GRM7: variants seen among roughly 807,000 people sequenced by gnomAD.
The protein encoded by GRM7 is glutamate metabotropic receptor 7.
A neutral mutation model predicts 84.5 loss-of-function variants in GRM7; 35 were observed. That is an observed-to-expected ratio of 0.41 (90% CI 0.32 to 0.55). The LOEUF (loss-of-function observed/expected upper bound fraction) is 0.55. GRM7 is among the 20% of genes least tolerant of loss of function. GRM7 has a pLI of 0.19. For synonymous variants in GRM7, 487 were observed against 455.1 expected (o/e 1.07, Z -0.89); for missense variants, 1,003 against 1,194.6 (o/e 0.84, Z 2.36).
intron 1 of GRM7, among the ~76,000 whole-genome samples, chr3:6,932,653 A>C (rs190484553): frequency 1.1e-3 from 171 of 152,050 alleles, no homozygotes; most frequent in Non-Finnish European, 2.0e-3. Flanking sequence ...TATGTTCATC[A>C]TATCGGGAGG....
chr3:7,663,668 A>AGCATGTGT (rs1699561497), intron 8 of GRM7, among the ~76,000 whole-genome samples: 1 of 152,226 alleles, frequency 6.6e-6, no homozygotes, highest in South Asian at 2.1e-4. Flanking sequence ...AATTTTCTTC[A>AGCATGTGT]GCATGTGTCT....
intron 7 of GRM7, among the ~76,000 whole-genome samples, chr3:7,521,841 A>T (rs1700607871): frequency 6.6e-6 from 1 of 152,148 alleles, no homozygotes; most frequent in South Asian, 2.1e-4. Flanking sequence ...AAGGTCTTTC[A>T]CCACTTTTCT....
intron 1 of GRM7, among the ~76,000 whole-genome samples, chr3:6,930,274 G>GT (rs1294283394): frequency 6.6e-6 from 1 of 152,156 alleles, no homozygotes; most frequent in Non-Finnish European, 1.5e-5. Context: ...AGTAAAAGCG[G>GT]TAGCTGTTTC....
At chr3:7,584,993 C>T (rs1405599042) in intron 8 of GRM7, among the ~76,000 whole-genome samples, 1 of 152,184 alleles carries the variant, frequency 6.6e-6, no homozygotes, top group African/African-American at 2.4e-5. Flanking sequence ...GCCATATAAA[C>T]ATACACACAT....
At chr3:7,357,079 C>T (rs1218064716) in intron 4 of GRM7, among the ~76,000 whole-genome samples, 1 of 150,448 alleles carries the variant, frequency 6.6e-6, no homozygotes, top group Non-Finnish European at 1.5e-5. Flanking sequence ...GTTTCTATCC[C>T]TCTAGAGAAC....
At chr3:7,377,420 G>C (rs1694397683) in intron 4 of GRM7, among the ~76,000 whole-genome samples, 1 of 152,162 alleles carries the variant, frequency 6.6e-6, no homozygotes, top group Admixed American at 6.5e-5. Context: ...AATTAAGTGA[G>C]AGCATTGTTC....
At chr3:7,189,039 C>T (rs974530597) in intron 2 of GRM7, among the ~76,000 whole-genome samples, 1 of 152,126 alleles carries the variant, frequency 6.6e-6, no homozygotes, top group African/African-American at 2.4e-5. Context: ...GCCACCAGCT[C>T]TACGCAAGCC....
intron 7 of GRM7, among the ~76,000 whole-genome samples, chr3:7,466,641 C>A (rs1214405670): frequency 2.0e-5 from 3 of 152,136 alleles, no homozygotes; most frequent in African/African-American, 7.2e-5. Flanking sequence ...GCCAAAATGT[C>A]AATTAAAGCA....
At chr3:7,218,876 G>T (rs185000168) in intron 2 of GRM7, among the ~76,000 whole-genome samples, 1 of 151,794 alleles carries the variant, frequency 6.6e-6, no homozygotes, top group East Asian at 1.9e-4. Context: ...TCTTTCAATA[G>T]CTTTTGGGGT....
At chr3:7,162,775 T>G (rs1694672729) in intron 2 of GRM7, among the ~76,000 whole-genome samples, 1 of 101,720 alleles carries the variant, frequency 9.8e-6, no homozygotes, top group African/African-American at 4.3e-5. Context: ...TTTTTTTTTT[T>G]TTGAGATGGA....
intron 8 of GRM7, among the ~76,000 whole-genome samples, chr3:7,604,326 C>A (rs1042524729): frequency 1.3e-5 from 2 of 152,128 alleles, no homozygotes; most frequent in African/African-American, 2.4e-5. Flanking sequence ...TAGAGGATAG[C>A]TTAAGTTTGC....
At chr3:7,297,441 A>G (rs1699851603) in intron 2 of GRM7, among the ~76,000 whole-genome samples, 1 of 152,208 alleles carries the variant, frequency 6.6e-6, no homozygotes, top group African/African-American at 2.4e-5. Context: ...TGTGCTTGAA[A>G]AGAATAAATG....
At chr3:7,341,532 C>T (rs796734634) in intron 4 of GRM7, among the ~76,000 whole-genome samples, 4 of 152,112 alleles carry the variant, frequency 2.6e-5, no homozygotes, top group African/African-American at 9.6e-5. Context: ...AGAAAATTGT[C>T]CCTCTCTTAC....
chr3:7,039,088 C>A (rs1290662898), intron 1 of GRM7, among the ~76,000 whole-genome samples: 9 of 152,148 alleles, frequency 5.9e-5, no homozygotes, highest in Admixed American at 3.3e-4. Flanking sequence ...CTGCTTTATA[C>A]CTACTACCTC....
chr3:7,302,598 A>C (rs1261071809), intron 3 of GRM7, among the ~76,000 whole-genome samples: 1 of 152,094 alleles, frequency 6.6e-6, no homozygotes, highest in Non-Finnish European at 1.5e-5. Flanking sequence ...TATGCTTTTA[A>C]CTATGCATAT....
At chr3:6,909,043 G>C (rs1282366073) in intron 1 of GRM7, among the ~76,000 whole-genome samples, 2 of 152,098 alleles carry the variant, frequency 1.3e-5, no homozygotes, top group African/African-American at 4.8e-5. Context: ...AGTTGCATAA[G>C]TCATTAAATC....
At chr3:7,014,959 A>G (rs1695507373) in intron 1 of GRM7, among the ~76,000 whole-genome samples, 1 of 152,092 alleles carries the variant, frequency 6.6e-6, no homozygotes, top group South Asian at 2.1e-4. Context: ...GGGTTTGTAA[A>G]ATGTGCCAAT....
intron 1 of GRM7, among the ~76,000 whole-genome samples, chr3:7,087,917 C>T (rs1278190838): frequency 1.3e-5 from 2 of 152,094 alleles, no homozygotes; most frequent in Non-Finnish European, 2.9e-5. Flanking sequence ...AGAGAGACAA[C>T]GTAGTTTAGA....
At chr3:7,085,521 A>G (rs942200428) in intron 1 of GRM7, among the ~76,000 whole-genome samples, 3 of 152,176 alleles carry the variant, frequency 2.0e-5, no homozygotes, top group African/African-American at 7.2e-5. Flanking sequence ...GTATGTTTCG[A>G]TGATCTAGAG....
Sources: gnomAD v4.1 joint callset for allele counts (sites outside exome capture counted in the v4.1 genomes callset) on GRCh38, gnomAD v4.1.1 for gene constraint, MANE v1.5 for transcripts, NCBI Gene and HGNC (gene_info 2026-07-23, HGNC 2026-07-21) for gene names.